Variants in CUX1 observed in about 807,000 individuals in gnomAD.
CUX1 encodes protein CASP.
In CUX1, 31 loss-of-function variants were observed where a neutral mutation model predicts 158.8. That is an observed-to-expected ratio of 0.20 (90% CI 0.15 to 0.26). CUX1 has a LOEUF of 0.26. Among genes scored for constraint, CUX1 ranks in the 10% least tolerant of loss-of-function variants. CUX1 has a pLI of 1.00. For missense variants in CUX1, 1,589 were observed against 2,014.6 expected (o/e 0.79, Z 4.04); for synonymous variants, 879 against 862.1 (o/e 1.02, Z -0.34).
intron 20 of CUX1, among the ~76,000 whole-genome samples, chr7:102,210,172 C>G (rs1329913175): frequency 6.6e-6 from 1 of 152,204 alleles, no homozygotes; most frequent in Non-Finnish European, 1.5e-5. Flanking sequence ...TCTCGACTCA[C>G]TGCAACCTAC....
intron 8 of CUX1, among the ~76,000 whole-genome samples, chr7:102,141,789 A>ATTTTT (rs71123009): frequency 4.9e-5 from 5 of 102,574 alleles, no homozygotes; most frequent in Admixed American, 1.2e-4. Context: ...CTCTCAGCTA[A>ATTTTT]TTTTTTTTTT....
chr7:102,115,842 C>A (rs1446843765), intron 8 of CUX1, among the ~76,000 whole-genome samples: 3 of 152,058 alleles, frequency 2.0e-5, no homozygotes, highest in South Asian at 2.1e-4. Flanking sequence ...ATGCAGAACA[C>A]CAGCAAGGAA....
rs1163831071 is a variant in CUX1, at chr7:102,254,755, G to T, written c.*5713G>T. 1 of 985,388 alleles carries T rather than the reference G, an allele frequency of 1.0e-6. No individual in the cohort carries two copies. Among genetic ancestry groups the T allele is most frequent in the Non-Finnish European group, 1.2e-6 (1 of 829,988 alleles). 61.0% of individuals were successfully genotyped at this position (985,388 alleles called of 1,614,324 possible). A position where few individuals can be genotyped will look rare whatever the true frequency, so the allele number is the denominator to read the frequency against. On this transcript the variant is annotated 3_prime_UTR_variant, in exon 24 of 24. Coordinates refer to ENST00000292535, the MANE Select transcript of CUX1 (RefSeq NM_181552.4). ...GGGCAGGGCTTGTGCCCTGAGTGGC[G>T]AGGTGGTGACCTGAGGCCAGTGTGA...
intron 2 of CUX1, among the ~76,000 whole-genome samples, chr7:102,006,433 A>G (rs1309951136): frequency 6.6e-6 from 1 of 151,672 alleles, no homozygotes; most frequent in Non-Finnish European, 1.5e-5. Flanking sequence ...GTCTCGCGCT[A>G]TCACCCACGC....
intron 5 of CUX1, among the ~76,000 whole-genome samples, chr7:102,103,251 G>A (rs1018557706): frequency 6.6e-6 from 1 of 152,158 alleles, no homozygotes; most frequent in African/African-American, 2.4e-5. Context: ...CACCAGAGTG[G>A]TGGGCACTCC....
intron 11 of CUX1, among the ~76,000 whole-genome samples, chr7:102,178,950 C>T (rs996205277): frequency 7.2e-5 from 11 of 152,188 alleles, no homozygotes; most frequent in African/African-American, 2.2e-4. Flanking sequence ...CTGCAGCCTC[C>T]GCCTCCCAGG....
intron 2 of CUX1, among the ~76,000 whole-genome samples, chr7:101,990,756 T>G (rs1176280298): frequency 6.6e-6 from 1 of 152,168 alleles, no homozygotes; most frequent in Non-Finnish European, 1.5e-5. Flanking sequence ...AAACATACAG[T>G]GGCTGCTAAA....
At chr7:102,147,753 T>G (rs1835176705) in intron 8 of CUX1, among the ~76,000 whole-genome samples, 1 of 152,076 alleles carries the variant, frequency 6.6e-6, no homozygotes, top group South Asian at 2.1e-4. Context: ...TCCCAGCACT[T>G]TGGGAGGCCA....
intron 2 of CUX1, among the ~76,000 whole-genome samples, chr7:101,999,217 C>CTTTTTTTT (rs3988167): frequency 1.4e-4 from 12 of 85,832 alleles, no homozygotes; most frequent in South Asian, 5.2e-4. Flanking sequence ...TTTTTTTTAC[C>CTTTTTTTT]TTTTTTTTTT....
At chr7:101,836,883 C>T (rs902396627) in intron 1 of CUX1, among the ~76,000 whole-genome samples, 29 of 152,166 alleles carry the variant, frequency 1.9e-4, no homozygotes, top group Admixed American at 1.8e-3. Context: ...GAGTAAAAAT[C>T]GCAGAGGACA....
intron 8 of CUX1, among the ~76,000 whole-genome samples, chr7:102,155,381 C>CA (rs562482446): frequency 0.12 from 13,608 of 110,068 alleles, 1,236 homozygotes; most frequent in African/African-American, 0.28. Flanking sequence ...TTGTCTCTAC[C>CA]AAAAAAAAAA....
At chr7:102,008,600 G>A (rs1817650998) in intron 2 of CUX1, among the ~76,000 whole-genome samples, 1 of 152,118 alleles carries the variant, frequency 6.6e-6, no homozygotes, top group South Asian at 2.1e-4. Flanking sequence ...GATATGACCA[G>A]TGTTCAGCCC....
At chr7:102,182,957 G>T (rs1269326592) in intron 11 of CUX1, among the ~76,000 whole-genome samples, 1 of 152,190 alleles carries the variant, frequency 6.6e-6, no homozygotes, top group Non-Finnish European at 1.5e-5. Context: ...CCACTGGGTG[G>T]ATGGTCACAT....
rs531893467 is a variant in CUX1 at position 101,995,939 on chromosome 7, T to A, written c.142-32159T>A. On this transcript the variant is annotated intron_variant, in intron 2 of 23. Coordinates refer to ENST00000292535, the MANE Select transcript of CUX1 (RefSeq NM_181552.4). ...ACCAGCCTGGGTAAAATGTAGAAAC[T>A]CCATCTCTCCTAAAAATACAAAAAT... 2.1e-3 allele frequency among the ~76,000 whole-genome samples: 314 copies of A among 152,030 alleles called. 1 individual carries two copies. Among genetic ancestry groups the A allele is most frequent in the African/African-American group, 7.1e-3 (296 of 41,446 alleles).
At chr7:102,246,481 A>G (rs1032491981) in intron 23 of CUX1, among the ~76,000 whole-genome samples, 46 of 152,282 alleles carry the variant, frequency 3.0e-4, no homozygotes, top group African/African-American at 1.0e-3. Flanking sequence ...CCAGAGTTCA[A>G]TACCCTGGGC....
chr7:102,200,049 T>C (rs1554519213), intron 16 of CUX1, 22 bp from the exon 17 acceptor site: 5 of 1,590,286 alleles, frequency 3.1e-6, no homozygotes, highest in Non-Finnish European at 4.3e-6. Flanking sequence ...TTTGATGTCA[T>C]TGGCGCAACT....
chr7:101,913,341 C>T lies in CUX1; in HGVS notation c.31-2774C>T, dbSNP rs187696648. ...TCCCATGCCGACCTGCATATGTCTG[C>T]GGGCACGGGGAAGGGAGGGCCGCAG... On this transcript the variant is annotated intron_variant, in intron 1 of 23. Transcript: ENST00000292535. The T allele has an allele frequency of 1.1e-3, 1,366 of 1,263,268 alleles. 15 individuals are homozygous for T. The African/African-American group carries it at 0.019, about 18-fold the overall frequency. 78.3% of individuals were successfully genotyped at this position (1,263,268 alleles called of 1,614,324 possible).
intron 1 of CUX1, among the ~76,000 whole-genome samples, chr7:101,886,764 C>T (rs1800270870): frequency 6.6e-6 from 1 of 152,048 alleles, no homozygotes; most frequent in Non-Finnish European, 1.5e-5. Flanking sequence ...GTGGGCCTGG[C>T]CTTTGGAGGA....
At chr7:101,979,330 A>G (rs1386901631) in intron 2 of CUX1, among the ~76,000 whole-genome samples, 1 of 152,254 alleles carries the variant, frequency 6.6e-6, no homozygotes, top group Non-Finnish European at 1.5e-5. Context: ...CACCGAAGGA[A>G]TGAAGCGTGA....
Sources: gnomAD v4.1 joint callset for allele counts (sites outside exome capture counted in the v4.1 genomes callset) on GRCh38, gnomAD v4.1.1 for gene constraint, MANE v1.5 for transcripts, NCBI Gene and HGNC (gene_info 2026-07-23, HGNC 2026-07-21) for gene names.